The following STK32B variants were observed in gnomAD, a reference collection of about 807,000 sequenced individuals.
STK32B encodes serine/threonine kinase 32B, also known as serine/threonine-protein kinase 32B.
In STK32B, 43 loss-of-function variants were observed where a neutral mutation model predicts 52.6. That is an observed-to-expected ratio of 0.82 (90% CI 0.64 to 1.05). STK32B has a LOEUF of 1.05. Ranked by LOEUF, STK32B falls within the 50% of genes least tolerant of loss-of-function variation. The pLI is 0.00. For synonymous variants in STK32B, 238 were observed against 204.3 expected (o/e 1.17, Z -1.41); for missense variants, 621 against 534.6 (o/e 1.16, Z -1.59).
chr4:5,340,189 A>C (rs1324882129), intron 4 of STK32B, among the ~76,000 whole-genome samples: 1 of 152,192 alleles, frequency 6.6e-6, no homozygotes, highest in African/African-American at 2.4e-5. Context: ...ATGAGACTCA[A>C]CTTTCTGGGT....
intron 1 of STK32B, among the ~76,000 whole-genome samples, chr4:5,120,133 C>A (rs1714945262): frequency 6.6e-6 from 1 of 152,194 alleles, no homozygotes; most frequent in Admixed American, 6.5e-5. Context: ...TCCCTTTGTC[C>A]AGTGGATCCA....
the STK32B span, chr4:5,019,602 G>T: frequency 1.4e-6 from 1 of 737,650 alleles, no homozygotes; most frequent in Non-Finnish European, 1.9e-6. Flanking sequence ...GGGCAGGGTC[G>T]GGACAGGAAT....
chr4:5,227,160 C>T (rs1156526784), intron 3 of STK32B, among the ~76,000 whole-genome samples: 1 of 152,096 alleles, frequency 6.6e-6, no homozygotes, highest in African/African-American at 2.4e-5. Context: ...TTTGTTTTTT[C>T]ATGTCATTTT....
chr4:5,427,439 TA>T (rs890471815), intron 6 of STK32B, among the ~76,000 whole-genome samples: 4 of 151,936 alleles, frequency 2.6e-5, no homozygotes, highest in Non-Finnish European at 5.9e-5. Flanking sequence ...TTCTATTTTC[TA>T]AAAAAAATAT....
chr4:5,295,052 CTA>C (rs1392240202), intron 3 of STK32B, among the ~76,000 whole-genome samples: 1 of 151,870 alleles, frequency 6.6e-6, no homozygotes, highest in Non-Finnish European at 1.5e-5. Context: ...TTGTCATTGG[CTA>C]TGTTTATGTG....
intron 3 of STK32B, among the ~76,000 whole-genome samples, chr4:5,326,574 A>G (rs963487072): frequency 6.6e-6 from 1 of 152,158 alleles, no homozygotes; most frequent in Non-Finnish European, 1.5e-5. Flanking sequence ...TGCCTTTAAA[A>G]GTTATGTTTA....
At position 5,494,360 on chromosome 4, in the gene STK32B, G is replaced by C. The variant is rs187733737; in HGVS notation, c.1107-4585G>C. On this transcript the variant is annotated intron_variant, in intron 11 of 11. Coordinates refer to ENST00000282908, the MANE Select transcript of STK32B (RefSeq NM_018401.3). ...GGCCTTGTCTCTTTTGATCTTTGTTGGTTTAAAGTCTGTTTTATCAGAGAT... is the reference window on the plus strand; with the variant it reads ...GGCCTTGTCTCTTTTGATCTTTGTTCGTTTAAAGTCTGTTTTATCAGAGAT... 7.1e-3 allele frequency among the ~76,000 whole-genome samples: 1,074 copies of C among 151,692 alleles called. 6 individuals are homozygous for C. Among genetic ancestry groups the C allele is most frequent in the South Asian group, 0.016 (79 of 4,812 alleles).
intron 1 of STK32B, among the ~76,000 whole-genome samples, chr4:5,133,575 G>A (rs114906454): frequency 0.014 from 2,155 of 152,286 alleles, 54 homozygotes; most frequent in African/African-American, 0.049. Context: ...TTGTTAAGGG[G>A]TCATCTGGTT....
At chr4:5,162,658 G>A (rs1013065597) in intron 2 of STK32B, among the ~76,000 whole-genome samples, 5 of 152,234 alleles carry the variant, frequency 3.3e-5, no homozygotes, top group Non-Finnish European at 7.3e-5. Context: ...TTAATTGGGT[G>A]CTTGCCTTTC....
intron 1 of STK32B, among the ~76,000 whole-genome samples, chr4:5,089,330 C>T (rs573852173): frequency 1.3e-5 from 2 of 152,140 alleles, no homozygotes; most frequent in East Asian, 1.9e-4. Flanking sequence ...TCTAAGTTCC[C>T]TCTCCTCAAC....
At chr4:5,366,667 C>T (rs1434377504) in intron 4 of STK32B, among the ~76,000 whole-genome samples, 1 of 152,230 alleles carries the variant, frequency 6.6e-6, no homozygotes, top group African/African-American at 2.4e-5. Flanking sequence ...TCTTTGCAAA[C>T]ATCACATTGA....
At chr4:5,224,132 G>A (rs572420544) in intron 3 of STK32B, among the ~76,000 whole-genome samples, 1 of 152,312 alleles carries the variant, frequency 6.6e-6, no homozygotes, top group East Asian at 1.9e-4. Context: ...ATTCTGGGAT[G>A]AATTAAGATT....
intron 3 of STK32B, among the ~76,000 whole-genome samples, chr4:5,287,803 A>C (rs1026703639): frequency 6.6e-6 from 1 of 152,182 alleles, no homozygotes; most frequent in Non-Finnish European, 1.5e-5. Context: ...CATCATTTTA[A>C]AATGTACAAT....
Position 5,386,184 on chromosome 4 carries a change from C to T in STK32B, c.435-12023C>T, listed in dbSNP as rs965517811. Among the ~76,000 whole-genome samples the T allele has an allele frequency of 6.6e-6, 1 of 152,136 alleles. No individual in the cohort carries two copies. The highest frequency in any genetic ancestry group is 2.4e-5 in the African/African-American group (1 of 41,484). On this transcript the variant is annotated intron_variant, in intron 4 of 11. Coordinates refer to ENST00000282908, the MANE Select transcript of STK32B (RefSeq NM_018401.3). The surrounding 1 kb of genome is among the most constrained non-coding windows in gnomAD (Gnocchi z 4.5). ...TCTTCCCAGCCGTCTGTCTCTCACA[C>T]AGCACCCTCACTCTCCCCCTCTATT...
At chr4:5,184,629 A>C (rs1278418055) in intron 3 of STK32B, among the ~76,000 whole-genome samples, 1 of 148,436 alleles carries the variant, frequency 6.7e-6, no homozygotes, top group Admixed American at 6.9e-5. Flanking sequence ...CAGAGGTTGC[A>C]GTGAGCTGAG....
intron 3 of STK32B, among the ~76,000 whole-genome samples, chr4:5,303,029 T>G (rs1399559659): frequency 2.0e-5 from 3 of 152,018 alleles, no homozygotes; most frequent in Non-Finnish European, 2.9e-5. Flanking sequence ...TATGTGGGTG[T>G]GTGTGTATAT....
chr4:5,331,333 T>A lies in STK32B; in HGVS notation c.374T>A (p.Leu125His), dbSNP rs149040164. ...NVHFTEGTVK[L>H]YICELALALE... Reference sequence around the variant, plus strand: ...CATTTCACAGAGGGGACTGTGAAACTCTACATCTGTGAGCTGGCACTGGCC... The same window carrying A: ...CATTTCACAGAGGGGACTGTGAAACACTACATCTGTGAGCTGGCACTGGCC... The change falls in exon 4 of 12, where the codon CTC becomes CAC. Residue 125 changes from leucine (L) to histidine (H), a missense_variant. Transcript: ENST00000282908. The A allele has an allele frequency of 4.3e-6, 7 of 1,613,776 alleles. No individual in the cohort carries two copies. The African/African-American group carries it at 9.3e-5, about 22-fold the overall frequency.
chr4:5,329,673 G>T (rs968091852), intron 3 of STK32B, among the ~76,000 whole-genome samples: 1 of 152,204 alleles, frequency 6.6e-6, no homozygotes, highest in Non-Finnish European at 1.5e-5. Context: ...AGTGTCCCCA[G>T]CACGTAGCCC....
intron 1 of STK32B, among the ~76,000 whole-genome samples, chr4:5,078,716 G>T (rs1167541815): frequency 1.3e-5 from 2 of 152,150 alleles, no homozygotes; most frequent in African/African-American, 2.4e-5. Context: ...CCAAGTCAAG[G>T]TTGCCAGAGT....
Sources: gnomAD v4.1 joint callset for allele counts (sites outside exome capture counted in the v4.1 genomes callset) on GRCh38, gnomAD v4.1.1 for gene constraint, Gnocchi (gnomAD v3.1) non-coding constraint, MANE v1.5 for transcripts, NCBI Gene and HGNC (gene_info 2026-07-23, HGNC 2026-07-21) for gene names.